The following XRCC4 variants were observed in gnomAD, a reference collection of about 807,000 sequenced individuals.
XRCC4 encodes the protein X-ray repair cross complementing 4, also known as DNA repair protein XRCC4.
In XRCC4, 28 loss-of-function variants were observed where a neutral mutation model predicts 39.1. The ratio of observed to expected loss-of-function variants is 0.72; its 90% CI spans 0.53 to 0.98. The LOEUF (loss-of-function observed/expected upper bound fraction) is 0.98, where lower values mean the gene tolerates loss of function less well. Among genes scored for constraint, XRCC4 ranks in the 50% least tolerant of loss-of-function variants. XRCC4 has a pLI of 0.00. For synonymous variants in XRCC4, 123 were observed against 126.4 expected (o/e 0.97, Z 0.18); for missense variants, 350 against 376.4 (o/e 0.93, Z 0.58).
At chr5:83,293,412 CAT>C (rs1245824422) in intron 7 of XRCC4, among the ~76,000 whole-genome samples, 1 of 151,952 alleles carries the variant, frequency 6.6e-6, no homozygotes, top group Non-Finnish European at 1.5e-5. Context: ...CACATTTCTT[CAT>C]GTTTCTTTTT....
intron 1 of XRCC4, among the ~76,000 whole-genome samples, chr5:83,097,410 A>G (rs1275348923): frequency 1.3e-5 from 2 of 150,452 alleles, no homozygotes; most frequent in East Asian, 3.9e-4. Flanking sequence ...CTTGTTTGCC[A>G]TTAAGAAATA....
intron 6 of XRCC4, among the ~76,000 whole-genome samples, chr5:83,225,605 GAAA>G (rs869143323): frequency 2.0e-4 from 12 of 60,382 alleles, no homozygotes; most frequent in East Asian, 1.9e-3. Context: ...ATTTATTCCA[GAAA>G]AAAAAAAAAA....
chr5:83,172,759 T>C (rs1749786235), intron 3 of XRCC4, among the ~76,000 whole-genome samples: 1 of 152,158 alleles, frequency 6.6e-6, no homozygotes, highest in Admixed American at 6.6e-5. Context: ...CAAGACAGGG[T>C]GGTTCCTCTA....
At chr5:83,085,674 A>G (rs969572728) in intron 1 of XRCC4, among the ~76,000 whole-genome samples, 5 of 152,206 alleles carry the variant, frequency 3.3e-5, no homozygotes, top group Admixed American at 2.6e-4. Context: ...TTCATTTTCA[A>G]CATTGTTCTT....
chr5:83,286,386 C>G (rs1754733514), intron 7 of XRCC4, among the ~76,000 whole-genome samples: 1 of 152,168 alleles, frequency 6.6e-6, no homozygotes, highest in African/African-American at 2.4e-5. Flanking sequence ...CCAGGAAATC[C>G]TCTACATTCA....
chr5:83,285,557 G>C (rs190291630), intron 7 of XRCC4, among the ~76,000 whole-genome samples: 142 of 152,070 alleles, frequency 9.3e-4, no homozygotes, highest in Non-Finnish European at 1.9e-3. Context: ...TTTATGTCTT[G>C]TTGTAACCTA....
At chr5:83,352,883 G>A (rs1367240859) in intron 7 of XRCC4, among the ~76,000 whole-genome samples, 1 of 152,158 alleles carries the variant, frequency 6.6e-6, no homozygotes, top group Non-Finnish European at 1.5e-5. Context: ...TCTTGACCTT[G>A]ATTATGAGTA....
At chr5:83,345,057 C>T (rs764829548) in intron 7 of XRCC4, among the ~76,000 whole-genome samples, 1 of 152,036 alleles carries the variant, frequency 6.6e-6, no homozygotes, top group Non-Finnish European at 1.5e-5. Context: ...TTTGGAAGTT[C>T]CTATAGTCTT....
At chr5:83,081,411 C>G (rs1375446097) in intron 1 of XRCC4, among the ~76,000 whole-genome samples, 2 of 152,074 alleles carry the variant, frequency 1.3e-5, no homozygotes, top group Admixed American at 6.5e-5. Context: ...TTTTCTCCCC[C>G]CTTGTTTTTA....
At position 83,080,793 on chromosome 5, in the gene XRCC4, A is replaced by G. The variant is rs552168142; in HGVS notation, c.-11+3178A>G. On this transcript the variant is annotated intron_variant, in intron 1 of 7. Transcript: ENST00000396027. ...AAGCACAAGAGTAACGACGCTGGCAATTTGGTTATGCCAAAGAGTAGCTGT... is the reference window on the plus strand; with the variant it reads ...AAGCACAAGAGTAACGACGCTGGCAGTTTGGTTATGCCAAAGAGTAGCTGT... 2.0e-5 allele frequency among the ~76,000 whole-genome samples: 3 copies of G among 152,290 alleles called. No homozygotes were observed. In the East Asian group the frequency reaches 5.8e-4, roughly 29 times the overall value.
At chr5:83,078,629 T>C (rs1744792220) in intron 1 of XRCC4, among the ~76,000 whole-genome samples, 1 of 152,244 alleles carries the variant, frequency 6.6e-6, no homozygotes, top group Non-Finnish European at 1.5e-5. Flanking sequence ...AAAGGTTTTG[T>C]TTTAAACTAT....
intron 3 of XRCC4, among the ~76,000 whole-genome samples, chr5:83,124,368 A>G (rs1045931950): frequency 2.0e-5 from 3 of 152,116 alleles, no homozygotes; most frequent in African/African-American, 7.2e-5. Flanking sequence ...ATTGTACAAT[A>G]TATATCCTTT....
intron 4 of XRCC4, among the ~76,000 whole-genome samples, chr5:83,203,315 G>A (rs903818683): frequency 1.3e-5 from 2 of 151,828 alleles, no homozygotes; most frequent in African/African-American, 4.8e-5. Flanking sequence ...TTTTCTAAAG[G>A]CTTATTTGTA....
intron 3 of XRCC4, among the ~76,000 whole-genome samples, chr5:83,181,431 A>C (rs970059602): frequency 3.9e-5 from 6 of 152,000 alleles, no homozygotes; most frequent in African/African-American, 1.5e-4. Flanking sequence ...CAGATGTATT[A>C]GTCTTCTCTC....
intron 7 of XRCC4, among the ~76,000 whole-genome samples, chr5:83,330,980 G>T (rs1209577822): frequency 6.6e-6 from 1 of 151,988 alleles, no homozygotes; most frequent in African/African-American, 2.4e-5. Context: ...AGGGGCCCTG[G>T]TTATTTGAGA....
intron 7 of XRCC4, among the ~76,000 whole-genome samples, chr5:83,294,729 A>G (rs1755036762): frequency 6.6e-6 from 1 of 152,076 alleles, no homozygotes; most frequent in Non-Finnish European, 1.5e-5. Flanking sequence ...AAAATAAAAC[A>G]TATAAAATAC....
chr5:83,109,547 C>T (rs1046328324), intron 2 of XRCC4, among the ~76,000 whole-genome samples: 4 of 151,868 alleles, frequency 2.6e-5, no homozygotes, highest in Non-Finnish European at 5.9e-5. Context: ...GGAAACCATC[C>T]AACCACACAC....
At chr5:83,355,404 C>G (rs1446331824), downstream of XRCC4, among the ~76,000 whole-genome samples, 1 of 152,122 alleles carries the variant, frequency 6.6e-6, no homozygotes, top group African/African-American at 2.4e-5. Context: ...CTCTCTATCC[C>G]CAGTACTAAG....
chr5:83,098,955 C>A (rs1324451324), intron 1 of XRCC4, among the ~76,000 whole-genome samples: 2 of 152,006 alleles, frequency 1.3e-5, no homozygotes, highest in African/African-American at 4.8e-5. Context: ...TTTTTTCTAG[C>A]AATTATATAT....
Sources: allele counts gnomAD v4.1 joint callset (sites outside exome capture counted in the v4.1 genomes callset), GRCh38; gene constraint gnomAD v4.1.1; transcripts MANE v1.5; gene names NCBI Gene and HGNC (gene_info 2026-07-23, HGNC 2026-07-21).